The following SGCZ variants were observed in gnomAD, a reference collection of about 807,000 sequenced individuals.
The protein encoded by SGCZ is sarcoglycan zeta, also known as zeta-sarcoglycan.
A neutral mutation model predicts 41.3 loss-of-function variants in SGCZ; 40 were observed. That is an observed-to-expected ratio of 0.97 (90% CI 0.75 to 1.26). The LOEUF is 1.26. SGCZ is among the 50% of genes most tolerant of loss of function. The pLI is 0.00. For missense variants in SGCZ, 552 were observed against 369.8 expected (o/e 1.49, Z -4.04); for synonymous variants, 206 against 137.5 (o/e 1.50, Z -3.49).
rs1045514907 is a variant in SGCZ, at chr8:14,377,501, T to G, written c.235-53297A>C. Among the ~76,000 whole-genome samples the G allele has an allele frequency of 2.0e-5, 3 of 152,038 alleles. No individual in the cohort carries two copies. The East Asian group carries it at 5.8e-4, about 29-fold the overall frequency. ...ATCCTGAGAACCCTTGATTTTTTTTTATTATTTTTATTTTTTTTGTTTTTA... is the reference window on the plus strand; with the variant it reads ...ATCCTGAGAACCCTTGATTTTTTTTGATTATTTTTATTTTTTTTGTTTTTA... On this transcript the variant is annotated intron_variant, in intron 2 of 7. Transcript: ENST00000382080.
chr8:15,181,071 T>C (rs1308815496), intron 1 of SGCZ, among the ~76,000 whole-genome samples: 2 of 152,044 alleles, frequency 1.3e-5, no homozygotes, highest in Admixed American at 6.6e-5. Context: ...ATCTTGCCAC[T>C]CAATAAAAAG....
rs1431596591 is a variant in SGCZ, at chr8:14,583,864, T to C, written c.40-28938A>G. On this transcript the variant is annotated intron_variant, in intron 1 of 7. Coordinates refer to ENST00000382080, the MANE Select transcript of SGCZ (RefSeq NM_139167.4). ...ATAAACAAATAATTTAGCTTTTATT[T>C]ATTTAGGTCTTTCTTATCTCAAATA... Among the ~76,000 whole-genome samples the C allele has an allele frequency of 3.9e-5, 6 of 152,276 alleles. No homozygotes were observed. In the East Asian group the frequency reaches 1.2e-3, roughly 29 times the overall value.
At chr8:14,799,194 G>T (rs1801234013) in intron 1 of SGCZ, among the ~76,000 whole-genome samples, 1 of 151,940 alleles carries the variant, frequency 6.6e-6, no homozygotes, top group Non-Finnish European at 1.5e-5. Flanking sequence ...AAGATATTTA[G>T]AATCCATTTA....
At position 14,703,495 on chromosome 8, in the gene SGCZ, T is replaced by C. The variant is rs74523934; in HGVS notation, c.40-148569A>G. On this transcript the variant is annotated intron_variant, in intron 1 of 7. Coordinates refer to ENST00000382080, the MANE Select transcript of SGCZ (RefSeq NM_139167.4). Reference sequence around the variant, plus strand: ...CTGTCAACACTCTCCAACTCTCACATTGCTTTATCTTTTCCTCATATTGCT... The same window carrying C: ...CTGTCAACACTCTCCAACTCTCACACTGCTTTATCTTTTCCTCATATTGCT... Among the ~76,000 whole-genome samples, 14 of 152,134 alleles carry C rather than the reference T, an allele frequency of 9.2e-5. No individual in the cohort carries two copies. The East Asian group carries it at 2.5e-3, about 27-fold the overall frequency.
intron 1 of SGCZ, among the ~76,000 whole-genome samples, chr8:15,192,495 T>C (rs1391105100): frequency 6.6e-6 from 1 of 152,188 alleles, no homozygotes; most frequent in Non-Finnish European, 1.5e-5. Flanking sequence ...TCATTGTAAC[T>C]GAGCATCAGT....
intron 1 of SGCZ, among the ~76,000 whole-genome samples, chr8:14,565,740 G>A (rs1010708501): frequency 1.3e-5 from 2 of 151,998 alleles, no homozygotes; most frequent in Non-Finnish European, 2.9e-5. Context: ...AGAAAGAGGA[G>A]GGGATATTGT....
intron 1 of SGCZ, among the ~76,000 whole-genome samples, chr8:14,803,378 G>T (rs1300443419): frequency 6.6e-6 from 1 of 152,114 alleles, no homozygotes; most frequent in Non-Finnish European, 1.5e-5. Flanking sequence ...CGCGCACCAT[G>T]CGCAAGCCGA....
intron 2 of SGCZ, among the ~76,000 whole-genome samples, chr8:14,440,682 CGT>C (rs779149933): frequency 0.28 from 32,645 of 115,434 alleles, 5,291 homozygotes; most frequent in Admixed American, 0.33. Context: ...TATATACATA[CGT>C]ATACACGTAT....
intron 4 of SGCZ, among the ~76,000 whole-genome samples, chr8:14,192,761 T>C (rs1805144519): frequency 6.6e-6 from 1 of 152,030 alleles, no homozygotes; most frequent in African/African-American, 2.4e-5. Flanking sequence ...ACAAAAACAA[T>C]GGAAAGTTTT....
At chr8:14,920,177 A>G (rs1799549406) in intron 1 of SGCZ, among the ~76,000 whole-genome samples, 1 of 152,134 alleles carries the variant, frequency 6.6e-6, no homozygotes, top group Non-Finnish European at 1.5e-5. Context: ...TTAGCTTCTG[A>G]CACTGTGGAG....
At chr8:14,658,519 T>A (rs1464374878) in intron 1 of SGCZ, among the ~76,000 whole-genome samples, 2 of 152,136 alleles carry the variant, frequency 1.3e-5, no homozygotes, top group African/African-American at 4.8e-5. Context: ...CAGTAGCTAA[T>A]CCTTTGACCT....
intron 1 of SGCZ, among the ~76,000 whole-genome samples, chr8:14,980,709 A>T (rs1344607046): frequency 6.6e-6 from 1 of 150,536 alleles, no homozygotes; most frequent in Non-Finnish European, 1.5e-5. Context: ...TGAGAACATT[A>T]TGGGGGAAAC....
intron 2 of SGCZ, among the ~76,000 whole-genome samples, chr8:14,391,062 C>G (rs1418400102): frequency 6.6e-6 from 1 of 152,064 alleles, no homozygotes. Context: ...TGACTCCTAT[C>G]TCAAACACAA....
intron 1 of SGCZ, among the ~76,000 whole-genome samples, chr8:14,920,728 C>A (rs1347252709): frequency 6.6e-6 from 1 of 152,144 alleles, no homozygotes; most frequent in African/African-American, 2.4e-5. Flanking sequence ...ACAGGAATTA[C>A]TTTTAATATA....
intron 2 of SGCZ, among the ~76,000 whole-genome samples, chr8:14,438,724 A>AT (rs1290626134): frequency 5.9e-5 from 9 of 151,986 alleles, no homozygotes; most frequent in East Asian, 1.9e-4. Flanking sequence ...CTTAATTTTA[A>AT]TTTTTTTAAA....
chr8:15,008,091 T>G (rs1194201840), intron 1 of SGCZ, among the ~76,000 whole-genome samples: 1 of 152,212 alleles, frequency 6.6e-6, no homozygotes, highest in East Asian at 1.9e-4. Flanking sequence ...TAAAAGATCT[T>G]TAGTCTAAGT....
chr8:14,915,326 A>G (rs1285139444), intron 1 of SGCZ, among the ~76,000 whole-genome samples: 2 of 152,210 alleles, frequency 1.3e-5, no homozygotes, highest in Non-Finnish European at 2.9e-5. Flanking sequence ...TCATATTGAT[A>G]TAGGAGTTAA....
intron 2 of SGCZ, among the ~76,000 whole-genome samples, chr8:14,528,835 AAAC>A (rs1330688467): frequency 4.8e-5 from 6 of 124,278 alleles, no homozygotes; most frequent in Non-Finnish European, 9.9e-5. Flanking sequence ...GCCAAAAAAA[AAAC>A]AAAACAAAAA....
chr8:14,700,487 T>G (rs1406985906), intron 1 of SGCZ, among the ~76,000 whole-genome samples: 1 of 151,332 alleles, frequency 6.6e-6, no homozygotes, highest in African/African-American at 2.4e-5. Flanking sequence ...TGGGGGAGGG[T>G]TGAAAAACTA....
Sources: gnomAD v4.1 joint callset for allele counts (sites outside exome capture counted in the v4.1 genomes callset) on GRCh38, gnomAD v4.1.1 for gene constraint, MANE v1.5 for transcripts, NCBI Gene and HGNC (gene_info 2026-07-23, HGNC 2026-07-21) for gene names.